Variants in SLC38A6 observed in about 807,000 individuals in gnomAD.
SLC38A6 encodes the protein N system amino acid transporter NAT-1.
SLC38A6 carries 73 observed loss-of-function variants against 65.0 expected under a neutral mutation model. The ratio of observed to expected loss-of-function variants is 1.12; its 90% CI spans 0.93 to 1.37. The LOEUF (loss-of-function observed/expected upper bound fraction) is 1.37, where lower values mean the gene tolerates loss of function less well. Among genes scored for constraint, SLC38A6 ranks in the 40% most tolerant of loss-of-function variants. SLC38A6 has a pLI of 0.00. For missense variants in SLC38A6, 561 were observed against 531.1 expected, an observed-to-expected ratio of 1.06 and a Z score of -0.55; for synonymous variants, 183 against 178.8, an observed-to-expected ratio of 1.02 and a Z score of -0.19.
intron 15 of SLC38A6, among the ~76,000 whole-genome samples, chr14:61,071,408 A>T (rs1347920529): frequency 1.3e-5 from 2 of 152,184 alleles, no homozygotes; most frequent in Non-Finnish European, 2.9e-5. Context: ...TTGGCTGGGC[A>T]CAGTGGCTCA....
At chr14:60,992,166 C>T (rs867016310) in intron 3 of SLC38A6, among the ~76,000 whole-genome samples, 2 of 152,156 alleles carry the variant, frequency 1.3e-5, no homozygotes, top group Non-Finnish European at 2.9e-5. Flanking sequence ...AGCTTAGCTA[C>T]CAAAAATAGG....
chr14:61,022,747 G>A (rs762307716), intron 5 of SLC38A6, among the ~76,000 whole-genome samples: 110 of 151,964 alleles, frequency 7.2e-4, no homozygotes, highest in Non-Finnish European at 1.3e-3. Context: ...GAAAAATAAT[G>A]TAATAGATTC....
downstream of SLC38A6, among the ~76,000 whole-genome samples, chr14:61,054,221 C>T (rs941957042): frequency 6.6e-6 from 1 of 152,082 alleles, no homozygotes; most frequent in Non-Finnish European, 1.5e-5. Flanking sequence ...CTATACTGTT[C>T]CATTGGTCTA....
intron 3 of SLC38A6, among the ~76,000 whole-genome samples, chr14:61,012,003 C>T (rs1263471264): frequency 6.6e-6 from 1 of 152,172 alleles, no homozygotes; most frequent in Non-Finnish European, 1.5e-5. Context: ...GCTGTGATTG[C>T]ATCTGGTCCT....
chr14:61,012,946 T>G (rs998908433), intron 3 of SLC38A6, among the ~76,000 whole-genome samples: 1 of 152,186 alleles, frequency 6.6e-6, no homozygotes, highest in Non-Finnish European at 1.5e-5. Flanking sequence ...CCTTGTTAAC[T>G]TTCTGTCTCG....
chr14:61,013,719 G>C (rs986721776), intron 3 of SLC38A6, among the ~76,000 whole-genome samples: 14 of 152,320 alleles, frequency 9.2e-5, no homozygotes, highest in Middle Eastern at 3.4e-3. Flanking sequence ...GGCCCCCAAT[G>C]TCTTCTGGCT....
At position 60,981,272 on chromosome 14, in the gene SLC38A6, A is replaced by G; in HGVS notation, c.-6A>G. The G allele has an allele frequency of 6.3e-7, 1 of 1,596,954 alleles. No homozygotes were observed. Among genetic ancestry groups the G allele is most frequent in the Non-Finnish European group, 8.5e-7 (1 of 1,171,988 alleles). ...AGATGGAACTGGTAGTCAGCTGGAG[A>G]GCAGCATGGAGGCGTCCTGGGGGAG... On this transcript the variant is annotated 5_prime_UTR_variant, in exon 1 of 16. Transcript: ENST00000267488.
chr14:61,038,364 G>T (rs965698401), intron 8 of SLC38A6, among the ~76,000 whole-genome samples: 1 of 151,796 alleles, frequency 6.6e-6, no homozygotes, highest in Admixed American at 6.6e-5. Flanking sequence ...ACATTCTAAA[G>T]ATAGTACCTT....
In SLC38A6 at chr14:61,016,342, T is replaced by C. The variant is rs777164655; in HGVS notation, c.363+386T>C. Among the ~76,000 whole-genome samples, 5 of 152,198 alleles carry C rather than the reference T, an allele frequency of 3.3e-5. No homozygotes were observed. In the East Asian group the frequency reaches 9.6e-4, roughly 29 times the overall value. On this transcript the variant is annotated intron_variant, in intron 4 of 15. Transcript: ENST00000267488. ...TCGAATTCAAATTGTAGCATGGCTA[T>C]TTACAAAACCAGTAATCAGAAGATC...
chr14:61,022,501 ATAAGT>A (rs1442409101), intron 5 of SLC38A6, among the ~76,000 whole-genome samples: 5 of 149,608 alleles, frequency 3.3e-5, no homozygotes, highest in Admixed American at 1.3e-4. Flanking sequence ...ATTATAATAA[ATAAGT>A]TAATCGTACA....
At chr14:61,036,306 G>A (rs1034592231) in intron 6 of SLC38A6, among the ~76,000 whole-genome samples, 5 of 151,870 alleles carry the variant, frequency 3.3e-5, no homozygotes, top group Admixed American at 2.6e-4. Flanking sequence ...AATGTTTTCA[G>A]TAAACATCTT....
chr14:60,991,531 ACC>A (rs1465523250), intron 3 of SLC38A6, among the ~76,000 whole-genome samples: 1 of 152,154 alleles, frequency 6.6e-6, no homozygotes, highest in Non-Finnish European at 1.5e-5. Context: ...CAGGATTCAA[ACC>A]CACACAGTCT....
At chr14:61,020,916 T>C (rs538617687) in intron 5 of SLC38A6, among the ~76,000 whole-genome samples, 1 of 152,302 alleles carries the variant, frequency 6.6e-6, no homozygotes, top group Admixed American at 6.5e-5. Flanking sequence ...TAACAGTTTA[T>C]GTAGACTGTT....
chr14:61,002,540 A>G (rs758642343), intron 3 of SLC38A6, among the ~76,000 whole-genome samples: 24 of 152,262 alleles, frequency 1.6e-4, no homozygotes, highest in East Asian at 1.9e-4. Flanking sequence ...TAATTGTCCT[A>G]TTTCATTGAG....
rs1555362476 is a variant in SLC38A6 at position 61,075,823 on chromosome 14, G to GTGTGTA, written c.1291-2982_1291-2981insATGTGT. Among the ~76,000 whole-genome samples the GTGTGTA allele has an allele frequency of 7.7e-3, 1,100 of 143,088 alleles. 7 individuals carry two copies. Among genetic ancestry groups the GTGTGTA allele is most frequent in the Non-Finnish European group, 0.012 (770 of 65,498 alleles). The allele number at this position is 143,088 out of a possible 152,430, so 93.9% of individuals were successfully genotyped here. ...TGTGTGTGTGTGTGTGTGTGTGTGT[G>GTGTGTA]TGTGTGTGTATGTATTTGGGATCAG... On this transcript the variant is annotated intron_variant, in intron 15 of 16. Transcript: ENST00000354886.
At chr14:61,028,368 T>G (rs1166914658) in intron 5 of SLC38A6, among the ~76,000 whole-genome samples, 5 of 152,168 alleles carry the variant, frequency 3.3e-5, no homozygotes, top group Non-Finnish European at 7.4e-5. Context: ...GTCTTTTTTC[T>G]TTTCTGTCTC....
intron 16 of SLC38A6, among the ~76,000 whole-genome samples, chr14:61,079,095 G>C (rs1028457686): frequency 1.5e-4 from 22 of 148,278 alleles, no homozygotes; most frequent in African/African-American, 5.5e-4. Context: ...AAGACCTCTG[G>C]CATCTTAAGA....
At chr14:61,030,601 T>A in intron 6 of SLC38A6, 78 bp downstream of exon 6, 1 of 960,452 alleles carries the variant, frequency 1.0e-6, no homozygotes, top group Non-Finnish European at 1.6e-6. Context: ...ATGGCAATAC[T>A]TGTAGTGGCA....
intron 3 of SLC38A6, among the ~76,000 whole-genome samples, chr14:61,014,435 T>G (rs537419994): frequency 2.0e-5 from 3 of 152,368 alleles, no homozygotes; most frequent in Admixed American, 6.5e-5. Flanking sequence ...GAGGAGCTGC[T>G]TTCCTTTGGA....
Sources: allele counts gnomAD v4.1 joint callset (sites outside exome capture counted in the v4.1 genomes callset), GRCh38; gene constraint gnomAD v4.1.1; transcripts MANE v1.5; gene names NCBI Gene and HGNC (gene_info 2026-07-23, HGNC 2026-07-21).